Variants in MGAM observed in about 807,000 individuals in gnomAD.
MGAM encodes the protein alpha-1,4-glucosidase.
In MGAM, 253 loss-of-function variants were observed where a neutral mutation model predicts 358.8. The observed-to-expected ratio is 0.71, with a 90% CI of 0.64 to 0.78. The LOEUF (loss-of-function observed/expected upper bound fraction) is 0.78. Among genes scored for constraint, MGAM ranks in the 30% least tolerant of loss-of-function variants. MGAM has a pLI of 0.00. For synonymous variants in MGAM, 1,105 were observed against 1,227.1 expected, an observed-to-expected ratio of 0.90 and a Z score of 2.08; for missense variants, 3,080 against 3,432.6, an observed-to-expected ratio of 0.90 and a Z score of 2.57.
chr7:142,010,259 T>C (rs1265612456), intron 3 of MGAM, among the ~76,000 whole-genome samples: 1 of 152,074 alleles, frequency 6.6e-6, no homozygotes, highest in East Asian at 1.9e-4. Flanking sequence ...ATTATCTAAC[T>C]CTAGTTCGGA....
intron 35 of MGAM, 98 bp downstream of exon 35, chr7:142,062,800 G>T: frequency 1.3e-6 from 2 of 1,551,064 alleles, no homozygotes; most frequent in Non-Finnish European, 1.7e-6. Flanking sequence ...GATAGTCATT[G>T]TCCAAAGAAG....
intron 23 of MGAM, 37 bp from the exon 24 acceptor site, chr7:142,050,660 A>G: frequency 6.3e-7 from 1 of 1,587,722 alleles, no homozygotes; most frequent in Non-Finnish European, 8.6e-7. Context: ...GTATACTCAT[A>G]TACCTTTATG....
chr7:142,008,844 A>G, intron 3 of MGAM, 139 bp downstream of exon 3: 2 of 880,146 alleles, frequency 2.3e-6, no homozygotes, highest in Non-Finnish European at 3.4e-6. Context: ...TGGCTCAGGC[A>G]AATTAACCTG....
intron 57 of MGAM, among the ~76,000 whole-genome samples, chr7:142,087,636 G>A (rs2129056154): frequency 6.8e-6 from 1 of 146,516 alleles, no homozygotes; most frequent in Non-Finnish European, 1.5e-5. Flanking sequence ...TAGCCTATGT[G>A]ACCCCCACAG....
intron 44 of MGAM, 36 bp from the exon 45 acceptor site, chr7:142,074,049 C>A: frequency 7.1e-7 from 1 of 1,414,702 alleles, no homozygotes; most frequent in Non-Finnish European, 9.9e-7. Flanking sequence ...AATTGTCTGA[C>A]TCCTGTCTTT....
chr7:142,062,606 T>C lies in MGAM; in HGVS notation c.4161T>C (p.Arg1387=). 1 of 1,610,762 alleles carries C rather than the reference T, an allele frequency of 6.2e-7. No individual in the cohort carries two copies. Among genetic ancestry groups the C allele is most frequent in the Non-Finnish European group, 8.5e-7 (1 of 1,177,820 alleles). ...RAYVAFPDFF[R]NSTAKWWKRE... The stretch of plus-strand genomic sequence containing the variant: ...ATGTGGCCTTCCCAGACTTTTTCCG[T>C]AATTCAACTGCCAAGTGGTGGAAGA... Residue 1387 remains arginine (R), a synonymous_variant, in exon 35 of 71, where the codon CGT becomes CGC. Transcript: ENST00000475668.
chr7:142,026,620 G>A (rs1444506460), intron 8 of MGAM, among the ~76,000 whole-genome samples: 3 of 152,164 alleles, frequency 2.0e-5, no homozygotes, highest in Non-Finnish European at 4.4e-5. Flanking sequence ...GTGGGAGGAT[G>A]TGATAGTCTT....
intron 21 of MGAM, among the ~76,000 whole-genome samples, chr7:142,042,012 ATAATAT>A (rs1563145635): frequency 4.3e-5 from 1 of 23,104 alleles, no homozygotes; most frequent in African/African-American, 2.7e-4. Context: ...TATATATAAT[ATAATAT>A]ATATATATTA....
rs781063250 is a variant in MGAM, at chr7:142,065,476, G to A, written c.4618+8G>A. The A allele has an allele frequency of 1.2e-5, 19 of 1,611,026 alleles. No homozygotes were observed. The highest frequency in any genetic ancestry group is 1.5e-5 in the Non-Finnish European group (18 of 1,179,322). On this transcript the variant is annotated splice_region_variant and intron_variant, in intron 38 of 70. Coordinates refer to ENST00000475668, the MANE Select transcript of MGAM (RefSeq NM_001365693.1). ...TGAAGAAGTCTATCATTGGTGCGTG[G>A]GTCCTTCCCCAGGGCCTTTGCCGAC...
In MGAM at chr7:142,045,194, A is replaced by AAT. The variant is rs1563156674; in HGVS notation, c.2499-2584_2499-2583dup. ...ATATTATATAACATATATGATATAT[A>AAT]ATATATATTATATAACATATATGTA... On this transcript the variant is annotated intron_variant, in intron 21 of 70. Transcript: ENST00000475668. 3.7e-3 allele frequency among the ~76,000 whole-genome samples: 258 copies of AAT among 68,876 alleles called. 15 individuals carry two copies. The highest frequency in any genetic ancestry group is 0.011 in the African/African-American group (215 of 19,744). 45.2% of individuals were successfully genotyped at this position (68,876 alleles called of 152,430 possible).
At chr7:142,046,150 AT>A (rs1810384424) in intron 21 of MGAM, among the ~76,000 whole-genome samples, 1 of 142,692 alleles carries the variant, frequency 7.0e-6, no homozygotes, top group African/African-American at 2.6e-5. Flanking sequence ...TTATATATAT[AT>A]TTATATTATA....
At position 141,998,026 on chromosome 7, in the gene MGAM, G is replaced by A. The variant is rs138900900; in HGVS notation, c.-3+2096G>A. Among the ~76,000 whole-genome samples the A allele has an allele frequency of 4.6e-3, 695 of 152,206 alleles. 4 individuals are homozygous for A. The highest frequency in any genetic ancestry group is 5.9e-3 in the Non-Finnish European group (404 of 68,014). On this transcript the variant is annotated intron_variant, in intron 1 of 70. Transcript: ENST00000475668. ...TTAGACCTCCATATACACATCAAACGCTGGCTATAATGCCGGAAAGAGGAC... is the reference window on the plus strand; with the variant it reads ...TTAGACCTCCATATACACATCAAACACTGGCTATAATGCCGGAAAGAGGAC...
chr7:142,103,972 C>A (rs1043308402), intron 70 of MGAM, among the ~76,000 whole-genome samples: 3 of 151,868 alleles, frequency 2.0e-5, no homozygotes, highest in Non-Finnish European at 4.4e-5. Flanking sequence ...CATTCTTCTG[C>A]CTCCCAAGTA....
intron 59 of MGAM, among the ~76,000 whole-genome samples, chr7:142,093,022 T>G (rs1223351752): frequency 2.0e-5 from 3 of 146,558 alleles, no homozygotes; most frequent in African/African-American, 7.3e-5. Flanking sequence ...AATTGTTCTC[T>G]CTAGGAGTTT....
intron 68 of MGAM, among the ~76,000 whole-genome samples, chr7:142,101,918 A>G (rs1563231016): frequency 6.6e-6 from 1 of 151,248 alleles, no homozygotes; most frequent in African/African-American, 2.4e-5. Context: ...CAAAAAAAAA[A>G]AAGAAAGAAA....
chr7:142,061,049 A>T (rs1715302642), intron 34 of MGAM, among the ~76,000 whole-genome samples: 1 of 152,132 alleles, frequency 6.6e-6, no homozygotes, highest in Non-Finnish European at 1.5e-5. Flanking sequence ...TGCTTGAATG[A>T]ATACATGGCT....
Position 142,034,534 on chromosome 7 carries a change from G to GA in MGAM, c.1788-135dup, listed in dbSNP as rs1807808889. 7 of 980,420 alleles carry GA rather than the reference G, an allele frequency of 7.1e-6. 1 individual carries two copies. Among genetic ancestry groups the GA allele is most frequent in the East Asian group, 2.6e-5 (1 of 38,212 alleles). The allele number at this position is 980,420 out of a possible 1,614,324, so 60.7% of individuals were successfully genotyped here. A position where few individuals can be genotyped will look rare whatever the true frequency, so the allele number is the denominator to read the frequency against. On this transcript the variant is annotated intron_variant, in intron 15 of 70. Transcript: ENST00000475668. ...AATGATACAGAATGCTCCCAACAGG[G>GA]ACTCTAATTGTACCGAAAGAGAGTT...
At position 142,088,652 on chromosome 7, in the gene MGAM, GTCTGTCTATCTATCTA is replaced by G. The variant is rs1282507839; in HGVS notation, c.6810+1939_6810+1954del. ...TCAGGTTATATCTATCTTTCTATCT[GTCTGTCTATCTATCTA>G]TCTATCTATCTATCTATCTATCTAT... On this transcript the variant is annotated intron_variant, in intron 57 of 70. Transcript: ENST00000475668. Among the ~76,000 whole-genome samples, 100 of 114,866 alleles carry G rather than the reference GTCTGTCTATCTATCTA, an allele frequency of 8.7e-4. 2 individuals are homozygous for G. Among genetic ancestry groups the G allele is most frequent in the African/African-American group, 3.0e-3 (99 of 33,456 alleles). 75.4% of individuals were successfully genotyped at this position (114,866 alleles called of 152,430 possible).
Position 142,032,872 on chromosome 7 carries a change from T to C in MGAM, c.1632T>C (p.Cys544=). The change falls in exon 14 of 71, where the codon TGT becomes TGC. Residue 544 remains cysteine (C), a synonymous_variant. Transcript: ENST00000475668. ...TTGTTGATGGTTCGGTCTCAGGATG[T>C]TCCACAAACAACCTAAATAATCCCC... ...SNFVDGSVSG[C]STNNLNNPPF... 1 of 1,611,372 alleles carries C rather than the reference T, an allele frequency of 6.2e-7. No individual in the cohort carries two copies. The highest frequency in any genetic ancestry group is 8.5e-7 in the Non-Finnish European group (1 of 1,178,572).
Sources: allele counts gnomAD v4.1 joint callset (sites outside exome capture counted in the v4.1 genomes callset), GRCh38; gene constraint gnomAD v4.1.1; transcripts MANE v1.5; gene names NCBI Gene and HGNC (gene_info 2026-07-23, HGNC 2026-07-21).